Variants in PTPRK observed in about 807,000 individuals in gnomAD.
PTPRK encodes receptor-type tyrosine-protein phosphatase kappa.
Under a neutral mutation model 178.0 loss-of-function variants are expected in PTPRK, and 75 were observed. The ratio of observed to expected loss-of-function variants is 0.42; its 90% confidence interval spans 0.35 to 0.51. The LOEUF (loss-of-function observed/expected upper bound fraction) is 0.51. Among genes scored for constraint, PTPRK ranks in the 20% least tolerant of loss-of-function variants. The pLI, the probability that PTPRK is intolerant of heterozygous loss-of-function variation, is 0.02. For missense variants in PTPRK, 1,441 were observed against 1,797.8 expected, an observed-to-expected ratio of 0.80 and a Z score of 3.59; for synonymous variants, 637 against 620.6, an observed-to-expected ratio of 1.03 and a Z score of -0.39.
chr6:128,417,001 T>A (rs1366585437), intron 1 of PTPRK, among the ~76,000 whole-genome samples: 3 of 148,760 alleles, frequency 2.0e-5, no homozygotes, highest in African/African-American at 7.3e-5. Context: ...TATAATTATA[T>A]AGGTAATATC....
At chr6:128,449,017 G>A (rs1313719321) in intron 1 of PTPRK, among the ~76,000 whole-genome samples, 4 of 151,774 alleles carry the variant, frequency 2.6e-5, no homozygotes, top group African/African-American at 4.8e-5. Context: ...CCACCACCAC[G>A]CCTGGCTAAT....
intron 2 of PTPRK, among the ~76,000 whole-genome samples, chr6:128,352,758 C>G (rs1833367779): frequency 6.6e-6 from 1 of 152,174 alleles, no homozygotes; most frequent in Admixed American, 6.5e-5. Flanking sequence ...TATCCCCTAA[C>G]AAAGCACATA....
At chr6:128,364,181 C>CT (rs111400872) in intron 2 of PTPRK, among the ~76,000 whole-genome samples, 17 of 151,752 alleles carry the variant, frequency 1.1e-4, no homozygotes, top group African/African-American at 2.7e-4. Flanking sequence ...AACATGAAAA[C>CT]TTTTTTTTAT....
intron 7 of PTPRK, among the ~76,000 whole-genome samples, chr6:128,170,333 T>C (rs754440780): frequency 1.1e-4 from 17 of 152,046 alleles, no homozygotes; most frequent in Non-Finnish European, 1.6e-4. Flanking sequence ...TATCCATCAA[T>C]AGATAAGTCT....
intron 3 of PTPRK, among the ~76,000 whole-genome samples, chr6:128,289,419 G>GTCTTAGT (rs1823017155): frequency 6.6e-6 from 1 of 152,092 alleles, no homozygotes; most frequent in Non-Finnish European, 1.5e-5. Context: ...TCTAAGTACA[G>GTCTTAGT]TCTTAGTTCA....
At chr6:128,401,695 A>T (rs1841038194) in intron 1 of PTPRK, among the ~76,000 whole-genome samples, 1 of 152,216 alleles carries the variant, frequency 6.6e-6, no homozygotes, top group South Asian at 2.1e-4. Flanking sequence ...AGAAACAAAT[A>T]GAATTATCTT....
chr6:128,392,051 G>T (rs1336850497), intron 2 of PTPRK, among the ~76,000 whole-genome samples: 1 of 151,866 alleles, frequency 6.6e-6, no homozygotes, highest in Non-Finnish European at 1.5e-5. Flanking sequence ...ATAAATAATT[G>T]AAAAATGGTC....
intron 16 of PTPRK, among the ~76,000 whole-genome samples, 153 bp from the exon 17 acceptor site, chr6:127,997,141 C>T (rs1000600651): frequency 3.9e-5 from 6 of 151,956 alleles, no homozygotes; most frequent in Admixed American, 1.3e-4. Context: ...ACCTCAAAGC[C>T]GCTTTGTTGG....
intron 7 of PTPRK, among the ~76,000 whole-genome samples, chr6:128,149,708 G>A (rs556504567): frequency 7.2e-5 from 11 of 152,242 alleles, no homozygotes; most frequent in Admixed American, 5.2e-4. Flanking sequence ...CTCAATAAAT[G>A]GAAGCTGTAT....
intron 1 of PTPRK, among the ~76,000 whole-genome samples, chr6:128,430,967 C>A (rs1844769606): frequency 7.0e-6 from 1 of 142,490 alleles, no homozygotes; most frequent in East Asian, 2.0e-4. Flanking sequence ...GAGATGGAGT[C>A]TTGCTGCGTC....
intron 3 of PTPRK, among the ~76,000 whole-genome samples, chr6:128,294,215 T>C (rs1435210542): frequency 6.6e-6 from 1 of 152,106 alleles, no homozygotes; most frequent in Non-Finnish European, 1.5e-5. Context: ...AAGAAATCAA[T>C]GTTTGCTGTG....
chr6:128,367,707 G>A (rs913127805), intron 2 of PTPRK, among the ~76,000 whole-genome samples: 2 of 152,230 alleles, frequency 1.3e-5, no homozygotes, highest in Admixed American at 1.3e-4. Context: ...GTGATAGAGA[G>A]CATTTCTCCT....
At chr6:128,482,232 C>T (rs575173563) in intron 1 of PTPRK, among the ~76,000 whole-genome samples, 3 of 152,228 alleles carry the variant, frequency 2.0e-5, no homozygotes, top group African/African-American at 7.2e-5. Context: ...GTGAAACAGG[C>T]AGGGCTATAA....
intron 1 of PTPRK, among the ~76,000 whole-genome samples, chr6:128,463,749 T>G (rs1228291900): frequency 1.5e-5 from 2 of 133,302 alleles, no homozygotes; most frequent in African/African-American, 5.6e-5. Flanking sequence ...CGGTTTTTTT[T>G]TTTTTTTTTT....
intron 2 of PTPRK, among the ~76,000 whole-genome samples, chr6:128,352,369 T>A (rs1833297934): frequency 6.7e-6 from 1 of 150,098 alleles, no homozygotes; most frequent in Admixed American, 6.7e-5. Context: ...ATTAAGTGCT[T>A]TAGTTGCACT....
At chr6:128,175,770 A>T (rs1024791521) in intron 7 of PTPRK, among the ~76,000 whole-genome samples, 3 of 151,806 alleles carry the variant, frequency 2.0e-5, no homozygotes, top group Non-Finnish European at 4.4e-5. Context: ...TACATAATTT[A>T]AAAAAATAAT....
At chr6:128,164,235 A>G (rs1799078765) in intron 7 of PTPRK, among the ~76,000 whole-genome samples, 1 of 151,518 alleles carries the variant, frequency 6.6e-6, no homozygotes, top group Non-Finnish European at 1.5e-5. Context: ...AATCTGAGAT[A>G]AAGGTAACAC....
chr6:128,139,566 A>C (rs745958832), intron 7 of PTPRK, among the ~76,000 whole-genome samples: 4 of 152,032 alleles, frequency 2.6e-5, no homozygotes, highest in Non-Finnish European at 5.9e-5. Flanking sequence ...AGTTCCTTTT[A>C]ATTACAGTCA....
intron 13 of PTPRK, among the ~76,000 whole-genome samples, chr6:128,042,497 A>G (rs1239345689): frequency 6.6e-6 from 1 of 152,018 alleles, no homozygotes; most frequent in Non-Finnish European, 1.5e-5. Context: ...TCATGGCCCC[A>G]GTCTTCTTCA....
Sources: allele counts gnomAD v4.1 joint callset (sites outside exome capture counted in the v4.1 genomes callset), GRCh38; gene constraint gnomAD v4.1.1; transcripts MANE v1.5; gene names NCBI Gene and HGNC (gene_info 2026-07-23, HGNC 2026-07-21).